The following CD80 variants were observed in gnomAD, a reference collection of about 807,000 sequenced individuals.
CD80 encodes T-lymphocyte activation antigen CD80.
In CD80, 13 loss-of-function variants were observed where a neutral mutation model predicts 27.1. The observed-to-expected ratio is 0.48, with a 90% CI of 0.31 to 0.76. CD80 has a LOEUF of 0.76. Ranked by LOEUF, CD80 falls within the 30% of genes least tolerant of loss-of-function variation. The probability of loss-of-function intolerance (pLI) is 0.04; values close to 1 mark genes in which losing one functional copy is unlikely to be tolerated. For missense variants in CD80, 277 were observed against 347.9 expected, an observed-to-expected ratio of 0.80 and a Z score of 1.62; for synonymous variants, 125 against 125.5, an observed-to-expected ratio of 1.00 and a Z score of 0.03.
chr3:119,547,894 T>G (rs1452468064), intron 2 of CD80, among the ~76,000 whole-genome samples: 1 of 152,186 alleles, frequency 6.6e-6, no homozygotes. Flanking sequence ...TGGGTAAAGC[T>G]CTTCCAGTGA....
intron 1 of CD80, among the ~76,000 whole-genome samples, chr3:119,558,979 T>C (rs1294774689): frequency 6.6e-6 from 1 of 152,094 alleles, no homozygotes; most frequent in African/African-American, 2.4e-5. Context: ...AGCCACGCCA[T>C]ATTGTTTTAT....
chr3:119,554,889 ACCT>A (rs1240223345), intron 2 of CD80, among the ~76,000 whole-genome samples: 6 of 152,036 alleles, frequency 3.9e-5, no homozygotes, highest in Admixed American at 3.3e-4. Context: ...TACTGAAATA[ACCT>A]CCTAATAGGT....
chr3:119,529,513 C>A (rs2082098052), intron 5 of CD80, among the ~76,000 whole-genome samples: 1 of 152,118 alleles, frequency 6.6e-6, no homozygotes, highest in Non-Finnish European at 1.5e-5. Flanking sequence ...GAAACGTTTT[C>A]AAATTAGTTA....
At chr3:119,534,381 AAAAAAG>A (rs2082125540) in intron 4 of CD80, among the ~76,000 whole-genome samples, 1 of 150,440 alleles carries the variant, frequency 6.6e-6, no homozygotes, top group Non-Finnish European at 1.5e-5. Context: ...TCAAAAAAAA[AAAAAAG>A]AAAAAGAAAA....
intron 2 of CD80, among the ~76,000 whole-genome samples, chr3:119,545,650 T>A (rs2082198419): frequency 6.6e-6 from 1 of 152,206 alleles, no homozygotes; most frequent in South Asian, 2.1e-4. Flanking sequence ...CACTCAAGGT[T>A]CATTCACGTT....
chr3:119,544,554 G>T lies in CD80; in HGVS notation c.414C>A (p.Val138=). 2 of 1,612,326 alleles carry T rather than the reference G, an allele frequency of 1.2e-6. No individual in the cohort carries two copies. Among genetic ancestry groups the T allele is most frequent in the South Asian group, 2.2e-5 (2 of 91,016 alleles). Residue 138 remains valine (V), a synonymous_variant, in exon 3 of 7, where the codon GTC becomes GTA. Coordinates refer to ENST00000264246, the MANE Select transcript of CD80 (RefSeq NM_005191.4). The part of the protein sequence containing the change: ...REHLAEVTLS[V]KADFPTPSIS... ...AAATCAGAAAATCCCACCAACCTTTGACTGATAACGTCACTTCAGCCAGGT... is the reference window on the plus strand; with the variant it reads ...AAATCAGAAAATCCCACCAACCTTTTACTGATAACGTCACTTCAGCCAGGT...
chr3:119,548,669 A>G (rs1170362910), intron 2 of CD80, among the ~76,000 whole-genome samples: 1 of 152,152 alleles, frequency 6.6e-6, no homozygotes. Context: ...TTTAGGCCAC[A>G]GTCAGTAAGT....
intron 2 of CD80, among the ~76,000 whole-genome samples, chr3:119,555,314 T>C (rs1250139056): frequency 6.6e-6 from 1 of 152,218 alleles, no homozygotes; most frequent in Non-Finnish European, 1.5e-5. Flanking sequence ...TTGCATATTC[T>C]ATGGATTTGG....
rs142101867 is a variant in CD80 at position 119,543,974 on chromosome 3, C to T, written c.418+576G>A. Among the ~76,000 whole-genome samples, 751 of 150,708 alleles carry T rather than the reference C, an allele frequency of 5.0e-3. 5 individuals are homozygous for T. Among genetic ancestry groups the T allele is most frequent in the Admixed American group, 7.2e-3 (109 of 15,090 alleles). ...TGCAATCTCAGCTCATTGCAACCTC[C>T]GCCTCCCAGGTTCAAGCGATTCTCT... On this transcript the variant is annotated intron_variant, in intron 3 of 6. Coordinates refer to ENST00000264246, the MANE Select transcript of CD80 (RefSeq NM_005191.4).
intron 3 of CD80, among the ~76,000 whole-genome samples, chr3:119,540,826 A>T (rs906866358): frequency 1.3e-5 from 2 of 152,136 alleles, no homozygotes; most frequent in Non-Finnish European, 2.9e-5. Context: ...AGGCAGGAGG[A>T]TCGCTTGAGG....
intron 2 of CD80, among the ~76,000 whole-genome samples, chr3:119,553,904 C>T (rs2082248827): frequency 1.3e-5 from 2 of 152,160 alleles, no homozygotes; most frequent in Non-Finnish European, 2.9e-5. Context: ...AGGAGTGACC[C>T]CCCTCTAAAT....
chr3:119,551,126 G>C (rs888565164), intron 2 of CD80, among the ~76,000 whole-genome samples: 2 of 152,184 alleles, frequency 1.3e-5, no homozygotes, highest in African/African-American at 4.8e-5. Context: ...CTAGAACAGG[G>C]CCTGGCCCAT....
intron 2 of CD80, among the ~76,000 whole-genome samples, chr3:119,553,103 CTTTATTTATTTATTTATTTATTTA>C (rs61318964): frequency 1.7e-4 from 23 of 134,132 alleles, no homozygotes; most frequent in East Asian, 1.3e-3. Context: ...GAATTGTACA[CTTTATTTATTTATTTATTTATTTA>C]TTTATTTATT....
intron 4 of CD80, among the ~76,000 whole-genome samples, chr3:119,536,626 C>T (rs1355620815): frequency 6.6e-6 from 1 of 152,246 alleles, no homozygotes; most frequent in Non-Finnish European, 1.5e-5. Flanking sequence ...GCATGAGCCA[C>T]TGTGCCCAGT....
At chr3:119,537,500 C>A in intron 3 of CD80, 82 bp from the exon 4 acceptor site, 3 of 1,030,694 alleles carry the variant, frequency 2.9e-6, no homozygotes, top group Non-Finnish European at 4.2e-6. Context: ...AATTTTCTAG[C>A]TTTAATAAGA....
intron 6 of CD80, among the ~76,000 whole-genome samples, chr3:119,526,519 G>A (rs139879084): frequency 5.6e-4 from 85 of 152,262 alleles, no homozygotes; most frequent in African/African-American, 2.0e-3. Flanking sequence ...GAAAATATGT[G>A]TAGGCTGCCA....
chr3:119,551,693 T>A (rs2082233135), intron 2 of CD80, among the ~76,000 whole-genome samples: 1 of 152,230 alleles, frequency 6.6e-6, no homozygotes, highest in Non-Finnish European at 1.5e-5. Context: ...GAGATAACTA[T>A]CTTCCCTGCT....
At chr3:119,535,230 C>G (rs943265983) in intron 4 of CD80, among the ~76,000 whole-genome samples, 2 of 151,554 alleles carry the variant, frequency 1.3e-5, no homozygotes, top group African/African-American at 4.8e-5. Context: ...ACTGAAAGAT[C>G]TAGAGTAAAT....
In CD80 at chr3:119,527,791, C is replaced by A; in HGVS notation, c.847G>T (p.Glu283Ter). ...ERRRNERLRR[E>*]SVRPV is the part of the protein sequence containing the mutation. Reference sequence around the variant, plus strand: ...CACTGTTATACAGGGCGTACACTTTCCCTTCTCAATCTCTCATTCCTCCTT... The same window carrying A: ...CACTGTTATACAGGGCGTACACTTTACCTTCTCAATCTCTCATTCCTCCTT... The change falls in exon 6 of 7, where the codon GAA becomes TAA. Residue 283 changes from glutamate to a stop codon, truncating the protein, a stop_gained. Transcript: ENST00000264246. LOFTEE classifies it high-confidence loss of function. The A allele has an allele frequency of 1.2e-6, 2 of 1,614,036 alleles. No individual in the cohort carries two copies. The highest frequency in any genetic ancestry group is 1.3e-5 in the African/African-American group (1 of 75,044).
Sources: gnomAD v4.1 joint callset for allele counts (sites outside exome capture counted in the v4.1 genomes callset) on GRCh38, gnomAD v4.1.1 for gene constraint, MANE v1.5 for transcripts, NCBI Gene and HGNC (gene_info 2026-07-23, HGNC 2026-07-21) for gene names.